Variants in RBFOX1 observed in about 807,000 individuals in gnomAD.
RBFOX1 encodes RNA binding fox-1 homolog 1.
A neutral mutation model predicts 57.7 loss-of-function variants in RBFOX1; 8 were observed. That is an observed-to-expected ratio of 0.14 (90% CI 0.08 to 0.25). The LOEUF (loss-of-function observed/expected upper bound fraction) is 0.25, where lower values mean the gene tolerates loss of function less well. Ranked by LOEUF, RBFOX1 falls within the 10% of genes least tolerant of loss-of-function variation. The pLI is 1.00. For synonymous variants in RBFOX1, 326 were observed against 222.4 expected, an observed-to-expected ratio of 1.47 and a Z score of -4.15; for missense variants, 611 against 548.5, an observed-to-expected ratio of 1.11 and a Z score of -1.14.
At chr16:6,103,599 C>T (rs543139022) in intron 1 of RBFOX1, among the ~76,000 whole-genome samples, 1 of 152,210 alleles carries the variant, frequency 6.6e-6, no homozygotes, top group East Asian at 1.9e-4. Context: ...CTCCTTCCAT[C>T]TTGTGACTCT....
intron 3 of RBFOX1, among the ~76,000 whole-genome samples, chr16:5,707,363 A>T (rs2051289800): frequency 6.6e-6 from 1 of 152,170 alleles, no homozygotes; most frequent in Non-Finnish European, 1.5e-5. Context: ...TAAGAGCCTC[A>T]AGGAAAAGGG....
chr16:6,251,745 G>A (rs2097614524), intron 1 of RBFOX1, among the ~76,000 whole-genome samples: 1 of 152,040 alleles, frequency 6.6e-6, no homozygotes. Flanking sequence ...CCAAACTGAT[G>A]CTTCCTCTTC....
intron 3 of RBFOX1, among the ~76,000 whole-genome samples, chr16:6,978,947 G>A (rs1235685109): frequency 2.0e-5 from 3 of 152,204 alleles, no homozygotes; most frequent in African/African-American, 7.2e-5. Context: ...CCATCTTGGT[G>A]GAGAGCCCCA....
chr16:5,771,867 G>A (rs893811740), intron 3 of RBFOX1, among the ~76,000 whole-genome samples: 10 of 151,886 alleles, frequency 6.6e-5, no homozygotes, highest in African/African-American at 2.4e-4. Context: ...CAATCAGTAT[G>A]GTACCTTTTA....
At chr16:5,587,525 C>A (rs1333231566) in intron 2 of RBFOX1, among the ~76,000 whole-genome samples, 1 of 152,118 alleles carries the variant, frequency 6.6e-6, no homozygotes, top group Admixed American at 6.5e-5. Context: ...CAAGCCTGGC[C>A]AACATGGTGA....
intron 2 of RBFOX1, among the ~76,000 whole-genome samples, chr16:6,398,901 C>A (rs1336262840): frequency 2.6e-5 from 4 of 152,218 alleles, no homozygotes; most frequent in African/African-American, 9.6e-5. Flanking sequence ...GGGGCTCCAG[C>A]CCCACATTTC....
intron 3 of RBFOX1, among the ~76,000 whole-genome samples, chr16:6,842,548 A>C (rs185325603): frequency 2.9e-4 from 44 of 152,118 alleles, no homozygotes; most frequent in Admixed American, 7.2e-4. Context: ...TATCTGTATC[A>C]ACTTTTTAAT....
At chr16:6,494,131 T>C (rs2095701736) in intron 2 of RBFOX1, among the ~76,000 whole-genome samples, 2 of 152,242 alleles carry the variant, frequency 1.3e-5, no homozygotes, top group South Asian at 4.1e-4. Context: ...TCTTGTACAC[T>C]ATTCTCTAAT....
intron 10 of RBFOX1, among the ~76,000 whole-genome samples, chr16:7,619,409 A>G (rs1596610435): frequency 6.6e-6 from 1 of 152,158 alleles, no homozygotes; most frequent in Non-Finnish European, 1.5e-5. Context: ...TGTGGCAGGC[A>G]TAGACAACTT....
chr16:6,244,216 T>A (rs1458517471), intron 1 of RBFOX1, among the ~76,000 whole-genome samples: 1 of 152,060 alleles, frequency 6.6e-6, no homozygotes, highest in East Asian at 1.9e-4. Flanking sequence ...AAAATGGAGA[T>A]TTGGTTATAT....
chr16:6,408,833 C>T (rs1433307615), intron 2 of RBFOX1, among the ~76,000 whole-genome samples: 1 of 152,130 alleles, frequency 6.6e-6, no homozygotes, highest in Non-Finnish European at 1.5e-5. Context: ...CTAAAAATGA[C>T]CCATCTTGCT....
At chr16:6,542,709 G>A (rs1177644337) in intron 2 of RBFOX1, among the ~76,000 whole-genome samples, 1 of 151,682 alleles carries the variant, frequency 6.6e-6, no homozygotes, top group Non-Finnish European at 1.5e-5. Flanking sequence ...AGCCAGGATG[G>A]TGTTGATCTC....
intron 3 of RBFOX1, among the ~76,000 whole-genome samples, chr16:6,846,556 G>A (rs1200590901): frequency 4.6e-5 from 7 of 152,190 alleles, no homozygotes; most frequent in South Asian, 2.1e-4. Context: ...AGCTGTTCGG[G>A]GAGCTGCTGC....
chr16:7,300,202 C>A (rs1476587654), intron 4 of RBFOX1, among the ~76,000 whole-genome samples: 2 of 152,120 alleles, frequency 1.3e-5, no homozygotes, highest in African/African-American at 2.4e-5. Context: ...CTCTGTATTA[C>A]TTACTTTCTG....
intron 13 of RBFOX1, 74 bp from the exon 14 acceptor site, chr16:7,676,699 GT>G: frequency 7.9e-7 from 1 of 1,268,206 alleles, no homozygotes. Context: ...AGCTGCTCTG[GT>G]GTGGTCTTGC....
chr16:7,345,620 C>T (rs962844174), intron 4 of RBFOX1, among the ~76,000 whole-genome samples: 8 of 152,054 alleles, frequency 5.3e-5, no homozygotes, highest in South Asian at 2.1e-4. Flanking sequence ...CATCAGCCGC[C>T]GAGTCCCCTC....
At chr16:6,879,540 T>C (rs947160377) in intron 3 of RBFOX1, among the ~76,000 whole-genome samples, 1 of 152,228 alleles carries the variant, frequency 6.6e-6, no homozygotes. Context: ...TTAATGAGAT[T>C]ATTCACTATA....
At chr16:6,681,733 A>T (rs2058682683) in intron 3 of RBFOX1, among the ~76,000 whole-genome samples, 1 of 151,936 alleles carries the variant, frequency 6.6e-6, no homozygotes, top group Non-Finnish European at 1.5e-5. Flanking sequence ...GACGATATTG[A>T]TAATAATATA....
intron 2 of RBFOX1, among the ~76,000 whole-genome samples, chr16:5,576,009 CAG>C (rs2151143940): frequency 1.3e-5 from 2 of 151,626 alleles, no homozygotes; most frequent in South Asian, 4.2e-4. Flanking sequence ...TTTTTTGGGA[CAG>C]AGTCTCACTC....
Sources: allele counts gnomAD v4.1 joint callset (sites outside exome capture counted in the v4.1 genomes callset), GRCh38; gene constraint gnomAD v4.1.1; transcripts MANE v1.5; gene names NCBI Gene and HGNC (gene_info 2026-07-23, HGNC 2026-07-21).